Variants in TENM2 observed in about 807,000 individuals in gnomAD.
The protein encoded by TENM2 is teneurin-2.
A neutral mutation model predicts 245.2 loss-of-function variants in TENM2; 52 were observed. That is an observed-to-expected ratio of 0.21 (90% confidence interval 0.17 to 0.27). TENM2 has a LOEUF of 0.27. Among genes scored for constraint, TENM2 ranks in the 10% least tolerant of loss-of-function variants. The pLI is 1.00. For synonymous variants in TENM2, 1,363 were observed against 1,438.9 expected, an observed-to-expected ratio of 0.95 and a Z score of 1.19; for missense variants, 3,046 against 3,666.8, an observed-to-expected ratio of 0.83 and a Z score of 4.37.
chr5:167,631,448 A>G (rs1323449778), intron 2 of TENM2, among the ~76,000 whole-genome samples: 1 of 152,098 alleles, frequency 6.6e-6, no homozygotes, highest in Non-Finnish European at 1.5e-5. Context: ...GCGTGTCCAG[A>G]AATAGAAGTT....
intron 2 of TENM2, among the ~76,000 whole-genome samples, chr5:167,843,556 G>C (rs574955873): frequency 6.6e-6 from 1 of 152,228 alleles, no homozygotes; most frequent in South Asian, 2.1e-4. Context: ...CTTAATATTT[G>C]TAGGGTTGGT....
chr5:167,273,587 T>C, the TENM2 span, among the ~76,000 whole-genome samples: 1 of 152,098 alleles, frequency 6.6e-6, no homozygotes, highest in Non-Finnish European at 1.5e-5. Flanking sequence ...TTTAGAATTG[T>C]CTTAAAAAAT....
intron 2 of TENM2, among the ~76,000 whole-genome samples, chr5:167,857,183 G>A (rs1048484484): frequency 6.6e-6 from 1 of 152,202 alleles, no homozygotes; most frequent in Admixed American, 6.5e-5. Flanking sequence ...AGTGGAACAT[G>A]TATAAAGGAG....
intron 2 of TENM2, among the ~76,000 whole-genome samples, chr5:167,433,304 A>G (rs565468287): frequency 2.0e-5 from 3 of 152,244 alleles, no homozygotes; most frequent in East Asian, 3.9e-4. Context: ...TCTACTCAGT[A>G]TATTTTTAAT....
the TENM2 span, among the ~76,000 whole-genome samples, chr5:167,160,711 A>G: frequency 6.6e-6 from 1 of 151,918 alleles, no homozygotes. Context: ...ACTTATCAAC[A>G]CTCTAATTAT....
chr5:167,471,790 T>C (rs887398706), intron 2 of TENM2, among the ~76,000 whole-genome samples: 1 of 152,144 alleles, frequency 6.6e-6, no homozygotes, highest in South Asian at 2.1e-4. Context: ...AGGCTTTACG[T>C]TGAAAATCTG....
At chr5:167,268,407 A>G in the TENM2 span, among the ~76,000 whole-genome samples, 73 of 152,208 alleles carry the variant, frequency 4.8e-4, no homozygotes, top group African/African-American at 1.6e-3. Flanking sequence ...CAAATCAGTA[A>G]CCTCCTAAAT....
chr5:167,411,042 T>C (rs1762881165), intron 2 of TENM2, among the ~76,000 whole-genome samples: 1 of 152,000 alleles, frequency 6.6e-6, no homozygotes, highest in African/African-American at 2.4e-5. Context: ...GAGGAACATA[T>C]TTGGTCAACT....
At chr5:167,145,088 T>C in the TENM2 span, among the ~76,000 whole-genome samples, 1 of 152,182 alleles carries the variant, frequency 6.6e-6, no homozygotes, top group Admixed American at 6.5e-5. Flanking sequence ...CCTCTGCCTC[T>C]CTCCTAAGTA....
intron 2 of TENM2, among the ~76,000 whole-genome samples, chr5:167,604,874 A>G (rs1453714898): frequency 6.6e-6 from 1 of 152,232 alleles, no homozygotes; most frequent in Non-Finnish European, 1.5e-5. Flanking sequence ...TCAACAGTGC[A>G]AACAGAGATG....
At chr5:168,160,580 G>A (rs988111933) in intron 12 of TENM2, among the ~76,000 whole-genome samples, 3 of 152,202 alleles carry the variant, frequency 2.0e-5, no homozygotes, top group Non-Finnish European at 4.4e-5. Flanking sequence ...TCTGTTGCAT[G>A]CACTCCTTGC....
At chr5:167,032,939 G>A in the TENM2 span, among the ~76,000 whole-genome samples, 3 of 152,054 alleles carry the variant, frequency 2.0e-5, no homozygotes, top group African/African-American at 7.2e-5. Flanking sequence ...GGTTCCCACA[G>A]ATAAAATTCT....
At chr5:167,226,159 T>C in the TENM2 span, among the ~76,000 whole-genome samples, 1 of 152,020 alleles carries the variant, frequency 6.6e-6, no homozygotes, top group African/African-American at 2.4e-5. Flanking sequence ...TGATTAATTC[T>C]GCTCTGATCT....
intron 5 of TENM2, among the ~76,000 whole-genome samples, chr5:168,021,137 T>G (rs1786106459): frequency 6.6e-6 from 1 of 152,226 alleles, no homozygotes; most frequent in African/African-American, 2.4e-5. Flanking sequence ...TTTAGATTTG[T>G]GCATGACCTT....
chr5:167,877,077 TG>T (rs2151387508), intron 3 of TENM2, among the ~76,000 whole-genome samples: 1 of 152,276 alleles, frequency 6.6e-6, no homozygotes, highest in South Asian at 2.1e-4. Context: ...GAGAGACATT[TG>T]CAAAAATTAA....
At chr5:167,765,487 C>T (rs1582949975) in intron 2 of TENM2, among the ~76,000 whole-genome samples, 1 of 152,214 alleles carries the variant, frequency 6.6e-6, no homozygotes, top group South Asian at 2.1e-4. Flanking sequence ...TGGTTTTGTG[C>T]CTAAGTGTTA....
At chr5:168,161,815 T>TACACACACAC (rs1159718949) in intron 12 of TENM2, among the ~76,000 whole-genome samples, 5 of 80,614 alleles carry the variant, frequency 6.2e-5, no homozygotes, top group African/African-American at 4.0e-4. Flanking sequence ...TGAGCGCATG[T>TACACACACAC]ATACACACAC....
chr5:167,041,703 C>G, the TENM2 span, among the ~76,000 whole-genome samples: 1 of 152,148 alleles, frequency 6.6e-6, no homozygotes, highest in African/African-American at 2.4e-5. Flanking sequence ...TAAAAAATTA[C>G]AAACGAAAGA....
intron 2 of TENM2, among the ~76,000 whole-genome samples, chr5:167,588,224 T>C (rs1261448675): frequency 6.6e-6 from 1 of 152,224 alleles, no homozygotes; most frequent in Non-Finnish European, 1.5e-5. Context: ...TGGAGAGGAA[T>C]TCTCCTTGTC....
Sources: gnomAD v4.1 joint callset for allele counts (sites outside exome capture counted in the v4.1 genomes callset) on GRCh38, gnomAD v4.1.1 for gene constraint, MANE v1.5 for transcripts, NCBI Gene and HGNC (gene_info 2026-07-23, HGNC 2026-07-21) for gene names.